KHSRP: variants seen among roughly 807,000 people sequenced by gnomAD.
KHSRP encodes the protein far upstream element-binding protein 2.
KHSRP carries 13 observed loss-of-function variants against 94.9 expected under a neutral mutation model. That is an observed-to-expected ratio of 0.14 (90% CI 0.09 to 0.22). KHSRP has a LOEUF of 0.22. Ranked by LOEUF, KHSRP falls within the 10% of genes least tolerant of loss-of-function variation. KHSRP has a pLI of 1.00. For synonymous variants in KHSRP, 495 were observed against 401.4 expected, an observed-to-expected ratio of 1.23 and a Z score of -2.79; for missense variants, 710 against 1,010.0, an observed-to-expected ratio of 0.70 and a Z score of 4.03.
At chr19:6,422,712 C>T (rs2092202421) in intron 1 of KHSRP, among the ~76,000 whole-genome samples, 1 of 152,182 alleles carries the variant, frequency 6.6e-6, no homozygotes, top group African/African-American at 2.4e-5. Flanking sequence ...TCCACACTGA[C>T]TTCGTTCTAG....
In KHSRP at chr19:6,418,159, C is replaced by G; in HGVS notation, c.880-80G>C. On this transcript the variant is annotated intron_variant, in intron 9 of 18. Transcript: ENST00000600480. This position sits in a 1 kb window ranked among gnomAD's most constrained non-coding sequence, Gnocchi z 4.3. Reference sequence around the variant, plus strand: ...CCCACCTCCTCGGGGGTGCGGGCCTCAACTAAGGACCCACGAACCCTGGGT... The same window carrying G: ...CCCACCTCCTCGGGGGTGCGGGCCTGAACTAAGGACCCACGAACCCTGGGT... 1 of 1,271,448 alleles carries G rather than the reference C, an allele frequency of 7.9e-7. No homozygotes were observed. The highest frequency in any genetic ancestry group is 2.4e-5 in the East Asian group (1 of 41,450). 78.8% of individuals were successfully genotyped at this position (1,271,448 alleles called of 1,614,324 possible). A position where few individuals can be genotyped will look rare whatever the true frequency, so the allele number is the denominator to read the frequency against.
At chr19:6,415,762 G>A in intron 16 of KHSRP, 28 bp from the exon 17 acceptor site, 1 of 1,552,182 alleles carries the variant, frequency 6.4e-7, no homozygotes, top group Non-Finnish European at 8.7e-7. Flanking sequence ...GGTGAGACGG[G>A]GGGACAGAAC....
Position 6,418,515 on chromosome 19 carries a change from G to C in KHSRP, c.847C>G (p.Leu283Val). The part of the protein sequence containing the change: ...GSQNTNVDKP[L>V]RIIGDPYKVQ... Reference sequence around the variant, plus strand: ...TTGTAAGGATCCCCAATGATGCGGAGAGGTTTGTCCACATTCGTATTCTGA... The same window carrying C: ...TTGTAAGGATCCCCAATGATGCGGACAGGTTTGTCCACATTCGTATTCTGA... The change falls in exon 9 of 19, where the codon CTC becomes GTC. Residue 283 changes from leucine to valine, a missense_variant. By Grantham distance (32) the Leu-to-Val change is conservative. Transcript: ENST00000600480. The surrounding 1 kb of genome is among the most constrained non-coding windows in gnomAD (Gnocchi z 4.3). 1 of 1,613,916 alleles carries C rather than the reference G, an allele frequency of 6.2e-7. No homozygotes were observed. Among genetic ancestry groups the C allele is most frequent in the Non-Finnish European group, 8.5e-7 (1 of 1,179,840 alleles).
intron 15 of KHSRP, 113 bp downstream of exon 15, chr19:6,416,185 C>T (rs903298066): frequency 1.1e-5 from 9 of 834,482 alleles, no homozygotes; most frequent in South Asian, 1.8e-5. Flanking sequence ...CAAAAATGGG[C>T]TGGATGAGGC....
rs368641732 is a variant in KHSRP at position 6,415,341 on chromosome 19, G to C, written c.1966+39C>G. On this transcript the variant is annotated intron_variant, in intron 18 of 18. Transcript: ENST00000600480. ...AGGCAGGTGAGAGGCTGTGGGTGAG[G>C]GCTGCCCCTGCCCCTGTCCCCGCAT... is the stretch of plus-strand genomic sequence containing the variant. 3.1e-6 allele frequency: 5 copies of C among 1,612,836 alleles called. No homozygotes were observed. In the East Asian group the frequency reaches 1.1e-4, roughly 36 times the overall value.
Position 6,424,544 on chromosome 19 carries a change from C to T in KHSRP, c.158G>A (p.Gly53Glu). The T allele has an allele frequency of 5.1e-6, 5 of 976,270 alleles. No homozygotes were observed. Among genetic ancestry groups the T allele is most frequent in the Non-Finnish European group, 6.1e-6 (5 of 824,126 alleles). The allele number at this position is 976,270 out of a possible 1,614,324, so 60.5% of individuals were successfully genotyped here. The change falls in exon 1 of 19, where the codon GGG becomes GAG. Residue 53 changes from glycine to glutamate, a missense_variant. Gly to Glu is a moderately conservative substitution (Grantham distance 98, BLOSUM62 -2). Coordinates refer to ENST00000600480, the MANE Select transcript of KHSRP (RefSeq NM_001366299.1). ...TGGCTGAGAGGGGCCCCCGGCCGAC[C>T]CCCCGCCCGGGCCGCCGCCGCCGGG... ...GGPGGGGPGG[G>E]SAGGPSQPPG...
intron 1 of KHSRP, among the ~76,000 whole-genome samples, chr19:6,423,265 A>G (rs1210079775): frequency 6.6e-6 from 1 of 152,188 alleles, no homozygotes; most frequent in Non-Finnish European, 1.5e-5. Flanking sequence ...GGTGATATTG[A>G]GACTGTTTCC....
rs1262578489 is a variant in KHSRP, at chr19:6,415,901, AG to A, written c.1599-6del. ...TGAGGAGGGGGCCCCCCGGCACTGC[AG>A]GAGAGAAGAAAGGGATGCTTGAGCA... On this transcript the variant is annotated splice_region_variant and splice_polypyrimidine_tract_variant and intron_variant, in intron 15 of 18. Coordinates refer to ENST00000600480, the MANE Select transcript of KHSRP (RefSeq NM_001366299.1). The A allele has an allele frequency of 6.7e-7, 1 of 1,494,598 alleles. No homozygotes were observed. The highest frequency in any genetic ancestry group is 8.9e-7 in the Non-Finnish European group (1 of 1,119,322). 92.6% of individuals were successfully genotyped at this position (1,494,598 alleles called of 1,614,324 possible). A position where few individuals can be genotyped will look rare whatever the true frequency, so the allele number is the denominator to read the frequency against.
Position 6,418,196 on chromosome 19 carries a change from A to G in KHSRP, c.880-117T>C. 1.2e-6 allele frequency: 1 copy of G among 830,816 alleles called. No individual in the cohort carries two copies. The highest frequency in any genetic ancestry group is 2.6e-5 in the East Asian group (1 of 37,776). The allele number at this position is 830,816 out of a possible 1,614,324, so 51.5% of individuals were successfully genotyped here. A position where few individuals can be genotyped will look rare whatever the true frequency, so the allele number is the denominator to read the frequency against. On this transcript the variant is annotated intron_variant, in intron 9 of 18. Coordinates refer to ENST00000600480, the MANE Select transcript of KHSRP (RefSeq NM_001366299.1). This position sits in a 1 kb window ranked among gnomAD's most constrained non-coding sequence, Gnocchi z 4.3. ...CACGAACCCTGGGTGAGCCCAGCAC[A>G]GCACCCTACTGAGCTCTCTACCTGC...
chr19:6,419,154 G>A (rs749381312), intron 7 of KHSRP, 49 bp downstream of exon 7: 3 of 1,518,338 alleles, frequency 2.0e-6, no homozygotes, highest in Admixed American at 4.0e-5. Flanking sequence ...GACAGAGCAG[G>A]CTTCTGCCTG....
intron 1 of KHSRP, among the ~76,000 whole-genome samples, chr19:6,423,580 G>A (rs372771981): frequency 6.6e-6 from 1 of 152,190 alleles, no homozygotes; most frequent in African/African-American, 2.4e-5. Context: ...CCAAATGCAC[G>A]CTAGAACCCA....
intron 14 of KHSRP, 38 bp downstream of exon 14, chr19:6,416,452 G>C (rs753266822): frequency 3.7e-6 from 6 of 1,612,552 alleles, no homozygotes; most frequent in Non-Finnish European, 4.2e-6. Flanking sequence ...TGGGATCCGG[G>C]CTGTGAGACC....
Position 6,414,786 on chromosome 19 carries a change from G to C in KHSRP, c.*238C>G. On this transcript the variant is annotated 3_prime_UTR_variant, in exon 19 of 19. Transcript: ENST00000600480. ...CAAGTGGCCAGATTGTGAGCGAGGT[G>C]GTGGCGGCCGGGCCGGTGCCCACCG... 1 of 1,146,978 alleles carries C rather than the reference G, an allele frequency of 8.7e-7. No homozygotes were observed. 71.1% of individuals were successfully genotyped at this position (1,146,978 alleles called of 1,614,324 possible).
chr19:6,417,097 G>C lies in KHSRP; in HGVS notation c.1082-10C>G, dbSNP rs748268968. On this transcript the variant is annotated splice_polypyrimidine_tract_variant and intron_variant, in intron 11 of 18. Coordinates refer to ENST00000600480, the MANE Select transcript of KHSRP (RefSeq NM_001366299.1). ...GGCCCTGTCCCGTCATCTGAGGCCA[G>C]CACCGAGAGAGCAGAGACACAAGTT... 12 of 1,594,718 alleles carry C rather than the reference G, an allele frequency of 7.5e-6. 1 individual carries two copies. In the South Asian group the frequency reaches 1.3e-4, roughly 18 times the overall value.
intron 15 of KHSRP, 37 bp from the exon 16 acceptor site, chr19:6,415,933 G>A (rs2092142183): frequency 3.0e-6 from 4 of 1,329,910 alleles, no homozygotes; most frequent in East Asian, 2.5e-5. Flanking sequence ...GAGCAGTGGT[G>A]CGGGGGTGGC....
At chr19:6,422,518 C>T (rs2092201351) in intron 1 of KHSRP, 82 bp from the exon 2 acceptor site, 1 of 1,007,028 alleles carries the variant, frequency 9.9e-7, no homozygotes, top group South Asian at 1.3e-5. Flanking sequence ...CAGAACATCT[C>T]CTGGACACGA....
Position 6,424,669 on chromosome 19 carries a change from G to T in KHSRP, c.33C>A (p.Pro11=). The change falls in exon 1 of 19, where the codon CCC becomes CCA. Residue 11 remains proline, a synonymous_variant. Coordinates refer to ENST00000600480, the MANE Select transcript of KHSRP (RefSeq NM_001366299.1). ...CCCCGCCGGCGGGCGGCGGCGGCCC[G>T]GGCGGGGGTCCTCCCGTGCTGTAGT... is the stretch of plus-strand genomic sequence containing the variant. MSDYSTGGPP[P]GPPPPAGGGG... is the part of the protein sequence containing the mutation. The T allele has an allele frequency of 9.8e-7, 1 of 1,023,838 alleles. No homozygotes were observed. The highest frequency in any genetic ancestry group is 1.2e-6 in the Non-Finnish European group (1 of 856,114). The allele number at this position is 1,023,838 out of a possible 1,614,324, so 63.4% of individuals were successfully genotyped here.
Position 6,414,620 on chromosome 19 carries a change from G to T in KHSRP, c.*404C>A. The T allele has an allele frequency of 9.9e-7, 1 of 1,011,140 alleles. No individual in the cohort carries two copies. Among genetic ancestry groups the T allele is most frequent in the Non-Finnish European group, 1.2e-6 (1 of 847,664 alleles). 62.6% of individuals were successfully genotyped at this position (1,011,140 alleles called of 1,614,324 possible). A position where few individuals can be genotyped will look rare whatever the true frequency, so the allele number is the denominator to read the frequency against. On this transcript the variant is annotated 3_prime_UTR_variant, in exon 19 of 19. Transcript: ENST00000600480. ...TGGGCCGCTCCCCGCGTCCCCACCA[G>T]TCCCTGCCAGAGCCAGGCCGCCTGC...
rs935574188 is a variant in KHSRP at position 6,422,549 on chromosome 19, T to C, written c.250-113A>G. ...CACGAAAGCCCATCAGGTCTTGGTG[T>C]CTGGCCCTCCAACTTAGGGAAGAGT... On this transcript the variant is annotated intron_variant, in intron 1 of 18. Transcript: ENST00000600480. 3.8e-5 allele frequency: 28 copies of C among 733,240 alleles called. No individual in the cohort carries two copies. The African/African-American group carries it at 4.4e-4, about 11-fold the overall frequency. 45.4% of individuals were successfully genotyped at this position (733,240 alleles called of 1,614,324 possible). A position where few individuals can be genotyped will look rare whatever the true frequency, so the allele number is the denominator to read the frequency against.
Sources: gnomAD v4.1 joint callset for allele counts (sites outside exome capture counted in the v4.1 genomes callset) on GRCh38, gnomAD v4.1.1 for gene constraint, Gnocchi (gnomAD v3.1) non-coding constraint, MANE v1.5 for transcripts, NCBI Gene and HGNC (gene_info 2026-07-23, HGNC 2026-07-21) for gene names.